The following ELMO1 variants were observed in gnomAD, a reference collection of about 807,000 sequenced individuals.
ELMO1 encodes engulfment and cell motility protein 1.
ELMO1 carries 26 observed loss-of-function variants against 98.9 expected under a neutral mutation model. That is an observed-to-expected ratio of 0.26 (90% CI 0.19 to 0.36). The LOEUF (loss-of-function observed/expected upper bound fraction) is 0.36. ELMO1 is among the 10% of genes least tolerant of loss of function. ELMO1 has a pLI of 1.00. For synonymous variants in ELMO1, 346 were observed against 346.0 expected, an observed-to-expected ratio of 1.00 and a Z score of 0.00; for missense variants, 627 against 935.2, an observed-to-expected ratio of 0.67 and a Z score of 4.30.
At chr7:36,908,507 G>C (rs1484191353) in intron 16 of ELMO1, among the ~76,000 whole-genome samples, 1 of 151,276 alleles carries the variant, frequency 6.6e-6, no homozygotes, top group Non-Finnish European at 1.5e-5. Flanking sequence ...ATTTGTATTA[G>C]AGTTTTGTTA....
intron 13 of ELMO1, among the ~76,000 whole-genome samples, chr7:37,173,223 T>C (rs1392272500): frequency 6.6e-6 from 1 of 152,216 alleles, no homozygotes; most frequent in Non-Finnish European, 1.5e-5. Flanking sequence ...TTAGAGACTA[T>C]GTGATATCCT....
At chr7:36,950,571 A>G (rs1423031193) in intron 16 of ELMO1, among the ~76,000 whole-genome samples, 1 of 152,146 alleles carries the variant, frequency 6.6e-6, no homozygotes, top group Non-Finnish European at 1.5e-5. Flanking sequence ...TGTCCTTCCT[A>G]AGGTGAAGGT....
At chr7:37,153,263 G>A (rs1788486547) in intron 13 of ELMO1, among the ~76,000 whole-genome samples, 1 of 152,136 alleles carries the variant, frequency 6.6e-6, no homozygotes, top group Non-Finnish European at 1.5e-5. Context: ...TGAGGTACCT[G>A]GTTCATCTCA....
chr7:37,157,889 A>G (rs1008581494), intron 13 of ELMO1, among the ~76,000 whole-genome samples: 1 of 152,158 alleles, frequency 6.6e-6, no homozygotes, highest in African/African-American at 2.4e-5. Context: ...GCATCACACT[A>G]CCAGACTTCA....
At chr7:37,033,187 T>G (rs1373155871) in intron 15 of ELMO1, among the ~76,000 whole-genome samples, 1 of 152,150 alleles carries the variant, frequency 6.6e-6, no homozygotes, top group Non-Finnish European at 1.5e-5. Flanking sequence ...GAGACACTTC[T>G]GTGTGCAGTT....
rs1211050784 is a variant in ELMO1 at position 37,183,724 on chromosome 7, T to TC, written c.1086+27661_1086+27662insG. On this transcript the variant is annotated intron_variant, in intron 13 of 21. Coordinates refer to ENST00000310758, the MANE Select transcript of ELMO1 (RefSeq NM_014800.11). ...CTTCACTAAGTATATTCCAGACTTTTTTTTTCTCAAGGCCAAAGAGAATAA... is the reference window on the plus strand; with the variant it reads ...CTTCACTAAGTATATTCCAGACTTTTCTTTTTCTCAAGGCCAAAGAGAATAA... Among the ~76,000 whole-genome samples the TC allele has an allele frequency of 2.9e-4, 44 of 150,800 alleles. 1 individual carries two copies. In the East Asian group the frequency reaches 7.6e-3, roughly 26 times the overall value.
At chr7:37,306,774 T>C (rs1290401902) in intron 4 of ELMO1, among the ~76,000 whole-genome samples, 1 of 152,164 alleles carries the variant, frequency 6.6e-6, no homozygotes, top group Non-Finnish European at 1.5e-5. Flanking sequence ...TCTATGAATA[T>C]AATAAAAACC....
chr7:37,265,075 G>A (rs1359350667), intron 5 of ELMO1, among the ~76,000 whole-genome samples: 1 of 152,034 alleles, frequency 6.6e-6, no homozygotes, highest in Non-Finnish European at 1.5e-5. Context: ...ATGCCTTTCT[G>A]CTGCCTCCCC....
chr7:37,382,426 T>C (rs1802616065), intron 1 of ELMO1, among the ~76,000 whole-genome samples: 1 of 152,224 alleles, frequency 6.6e-6, no homozygotes, highest in Non-Finnish European at 1.5e-5. Flanking sequence ...CATTCAAAAA[T>C]ACGCCACTTT....
chr7:37,244,236 A>G, intron 7 of ELMO1, 120 bp downstream of exon 7: 2 of 1,061,142 alleles, frequency 1.9e-6, no homozygotes, highest in Non-Finnish European at 1.3e-6. Flanking sequence ...AAAATAACAA[A>G]AAATCACTTA....
chr7:37,423,584 AAAAC>A (rs60226641), intron 1 of ELMO1, among the ~76,000 whole-genome samples: 9,995 of 150,402 alleles, frequency 0.066, 532 homozygotes, highest in East Asian at 0.16. Context: ...TGTCTCAAAG[AAAAC>A]AAACAAACAA....
chr7:36,867,018 T>C (rs1483044398), intron 20 of ELMO1, among the ~76,000 whole-genome samples: 2 of 152,188 alleles, frequency 1.3e-5, no homozygotes, highest in African/African-American at 4.8e-5. Context: ...AAATTCCATG[T>C]ATATGCTAAT....
intron 16 of ELMO1, among the ~76,000 whole-genome samples, chr7:36,938,191 A>G (rs1317506101): frequency 1.3e-5 from 2 of 152,344 alleles, no homozygotes; most frequent in African/African-American, 4.8e-5. Flanking sequence ...CTTTGTCTCC[A>G]AATGTGTTTC....
At chr7:37,155,503 A>AAAAAATAAAAAT (rs61189239) in intron 13 of ELMO1, among the ~76,000 whole-genome samples, 4 of 131,738 alleles carry the variant, frequency 3.0e-5, no homozygotes, top group Admixed American at 1.6e-4. Context: ...AAAAAAAAAA[A>AAAAAATAAAAAT]AAAAAGCAGG....
chr7:37,117,545 G>C (rs1351843655), intron 14 of ELMO1, among the ~76,000 whole-genome samples: 1 of 152,156 alleles, frequency 6.6e-6, no homozygotes, highest in Non-Finnish European at 1.5e-5. Flanking sequence ...ACTGGCTTTG[G>C]AAGTCAGAAA....
chr7:36,917,579 T>C (rs1784801575), intron 16 of ELMO1, among the ~76,000 whole-genome samples: 1 of 152,160 alleles, frequency 6.6e-6, no homozygotes, highest in Non-Finnish European at 1.5e-5. Context: ...ATTGAAACAA[T>C]TAAATGTCAC....
chr7:36,895,305 G>A (rs1342869806), intron 16 of ELMO1, among the ~76,000 whole-genome samples: 1 of 152,216 alleles, frequency 6.6e-6, no homozygotes, highest in Non-Finnish European at 1.5e-5. Flanking sequence ...TTATGTGACT[G>A]CTGCTGACTC....
Position 37,271,785 on chromosome 7 carries a change from C to T in ELMO1, c.243+47G>A, listed in dbSNP as rs186714407. ...ATCCCACAATCACATATAGCAGAAA[C>T]GCAGAGCAAAGAGTTTGCTGGAAGT... On this transcript the variant is annotated intron_variant, in intron 5 of 21. Transcript: ENST00000310758. 98 of 1,593,888 alleles carry T rather than the reference C, an allele frequency of 6.1e-5. No individual in the cohort carries two copies. In the African/African-American group the frequency reaches 9.6e-4, roughly 16 times the overall value.
chr7:37,223,347 C>T (rs1793701667), intron 9 of ELMO1, among the ~76,000 whole-genome samples: 2 of 152,122 alleles, frequency 1.3e-5, no homozygotes, highest in Admixed American at 1.3e-4. Context: ...AATAACTTAT[C>T]AGGCCAGTGA....
Sources: allele counts gnomAD v4.1 joint callset (sites outside exome capture counted in the v4.1 genomes callset), GRCh38; gene constraint gnomAD v4.1.1; transcripts MANE v1.5; gene names NCBI Gene and HGNC (gene_info 2026-07-23, HGNC 2026-07-21).